The following GLRA1 variants were observed in gnomAD, a reference collection of about 807,000 sequenced individuals.
GLRA1 encodes the protein glycine receptor alpha 1, also known as glycine receptor subunit alpha-1.
GLRA1 carries 37 observed loss-of-function variants against 48.3 expected under a neutral mutation model. The observed-to-expected ratio is 0.77, with a 90% CI of 0.59 to 1.01. The LOEUF (loss-of-function observed/expected upper bound fraction) is 1.01. Among genes scored for constraint, GLRA1 ranks in the 50% least tolerant of loss-of-function variants. The pLI, the probability that GLRA1 is intolerant of heterozygous loss-of-function variation, is 0.00. For missense variants in GLRA1, 427 were observed against 571.0 expected (o/e 0.75, Z 2.57); for synonymous variants, 196 against 210.7 (o/e 0.93, Z 0.60).
At chr5:151,828,351 G>A (rs545624004) in intron 8 of GLRA1, among the ~76,000 whole-genome samples, 4 of 152,294 alleles carry the variant, frequency 2.6e-5, no homozygotes, top group African/African-American at 7.2e-5. Context: ...TTTGGTCAGT[G>A]CACAACCTCG....
intron 1 of GLRA1, among the ~76,000 whole-genome samples, chr5:151,894,482 C>T (rs376893260): frequency 4.6e-5 from 7 of 152,074 alleles, no homozygotes; most frequent in African/African-American, 1.4e-4. Context: ...CCCCAGATGA[C>T]GTCAATATAC....
At chr5:151,823,051 A>G in intron 8 of GLRA1, 88 bp from the exon 9 acceptor site, 2 of 1,191,946 alleles carry the variant, frequency 1.7e-6, no homozygotes, top group Middle Eastern at 2.2e-4. Context: ...GGGCCAGGCC[A>G]TGCCTATCTG....
rs116332004 is a variant in GLRA1, at chr5:151,827,724, C to G, written c.1059+1197G>C. Among the ~76,000 whole-genome samples, 872 of 152,240 alleles carry G rather than the reference C, an allele frequency of 5.7e-3. 12 individuals carry two copies. The highest frequency in any genetic ancestry group is 0.02 in the African/African-American group (843 of 41,532). ...AGACAACGATTTTAAATAGGTCAGT[C>G]TAAAGCTTGTAGGACCTGGCATATT... is the stretch of plus-strand genomic sequence containing the variant. On this transcript the variant is annotated intron_variant, in intron 8 of 8. Transcript: ENST00000274576.
chr5:151,915,329 T>C (rs1427098832), intron 1 of GLRA1, among the ~76,000 whole-genome samples: 1 of 152,220 alleles, frequency 6.6e-6, no homozygotes, highest in African/African-American at 2.4e-5. Flanking sequence ...TTTGCAGTTA[T>C]CTATCAACAT....
intron 3 of GLRA1, 121 bp downstream of exon 3, chr5:151,886,600 G>A (rs1044222282): frequency 2.1e-5 from 16 of 763,974 alleles, no homozygotes; most frequent in African/African-American, 2.0e-4. Context: ...TATACCACTG[G>A]AGACTTGAGA....
At chr5:151,875,991 A>G (rs976149835) in intron 3 of GLRA1, among the ~76,000 whole-genome samples, 1 of 152,262 alleles carries the variant, frequency 6.6e-6, no homozygotes, top group Non-Finnish European at 1.5e-5. Context: ...AATTCCCATA[A>G]TTCACTAACC....
chr5:151,862,278 AT>A (rs1445642012), intron 3 of GLRA1, among the ~76,000 whole-genome samples: 8 of 152,238 alleles, frequency 5.3e-5, no homozygotes, highest in African/African-American at 1.7e-4. Flanking sequence ...ACAAAAATTA[AT>A]TCAAGATGGA....
intron 1 of GLRA1, among the ~76,000 whole-genome samples, chr5:151,894,212 C>T (rs1754174565): frequency 6.6e-6 from 1 of 152,032 alleles, no homozygotes; most frequent in African/African-American, 2.4e-5. Flanking sequence ...ATAATGTTCC[C>T]CAAGGATTTG....
At chr5:151,849,883 G>A (rs1752854366) in intron 7 of GLRA1, 4 of 1,483,266 alleles carry the variant, frequency 2.7e-6, no homozygotes, top group Non-Finnish European at 3.6e-6. Context: ...GTATTTTACA[G>A]TCTGAAGGCT....
At chr5:151,904,994 T>C (rs1754444292) in intron 1 of GLRA1, among the ~76,000 whole-genome samples, 1 of 152,188 alleles carries the variant, frequency 6.6e-6, no homozygotes, top group South Asian at 2.1e-4. Context: ...ATCTGTTATG[T>C]AGTAAATTAA....
At chr5:151,895,491 G>T (rs1754206750) in intron 1 of GLRA1, among the ~76,000 whole-genome samples, 1 of 152,144 alleles carries the variant, frequency 6.6e-6, no homozygotes, top group Non-Finnish European at 1.5e-5. Context: ...ACTTGTCTGA[G>T]CTTTAGTTTT....
chr5:151,883,902 A>C (rs575109500), intron 3 of GLRA1, among the ~76,000 whole-genome samples: 1 of 152,336 alleles, frequency 6.6e-6, no homozygotes, highest in Admixed American at 6.5e-5. Context: ...GCAGAAGTGA[A>C]GTCTGGAAAG....
chr5:151,843,953 T>G (rs1224775350), intron 7 of GLRA1, among the ~76,000 whole-genome samples: 2 of 152,144 alleles, frequency 1.3e-5, no homozygotes, highest in Non-Finnish European at 2.9e-5. Flanking sequence ...GCAGATCACC[T>G]GGGGTCAGGA....
chr5:151,825,604 G>A (rs1038708713), intron 8 of GLRA1, among the ~76,000 whole-genome samples: 2 of 152,192 alleles, frequency 1.3e-5, no homozygotes. Context: ...AGCTGGAGCA[G>A]GGGAAATCTG....
chr5:151,911,600 GTT>G (rs768033241), intron 1 of GLRA1, among the ~76,000 whole-genome samples: 1,360 of 92,158 alleles, frequency 0.015, 1 homozygote, highest in African/African-American at 0.026. Context: ...CCAAGCTAGA[GTT>G]TTTTTTTTTT....
chr5:151,886,169 A>G (rs1403732736), intron 3 of GLRA1, among the ~76,000 whole-genome samples: 1 of 152,230 alleles, frequency 6.6e-6, no homozygotes, highest in Non-Finnish European at 1.5e-5. Context: ...AAAAATATAT[A>G]AATACTGTAG....
At position 151,822,620 on chromosome 5, in the gene GLRA1, C is replaced by T; in HGVS notation, c.*53G>A. Reference sequence around the variant, plus strand: ...TTCTCTTCCTTAGTCTCTCAGATTCCTGTGCTATTCCCACGTTCCCCTCTC... The same window carrying T: ...TTCTCTTCCTTAGTCTCTCAGATTCTTGTGCTATTCCCACGTTCCCCTCTC... On this transcript the variant is annotated 3_prime_UTR_variant, in exon 9 of 9. Coordinates refer to ENST00000274576, the MANE Select transcript of GLRA1 (RefSeq NM_000171.4). The T allele has an allele frequency of 8.1e-7, 1 of 1,238,484 alleles. No individual in the cohort carries two copies. Among genetic ancestry groups the T allele is most frequent in the South Asian group, 1.2e-5 (1 of 83,028 alleles). The allele number at this position is 1,238,484 out of a possible 1,614,324, so 76.7% of individuals were successfully genotyped here. A position where few individuals can be genotyped will look rare whatever the true frequency, so the allele number is the denominator to read the frequency against.
At chr5:151,921,612 A>G (rs993760793) in intron 1 of GLRA1, among the ~76,000 whole-genome samples, 4 of 152,176 alleles carry the variant, frequency 2.6e-5, no homozygotes, top group African/African-American at 9.7e-5. Flanking sequence ...ACTGGGCCTG[A>G]CCCAGCCATA....
chr5:151,863,446 G>C (rs1226580514), intron 3 of GLRA1, among the ~76,000 whole-genome samples: 7 of 152,010 alleles, frequency 4.6e-5, no homozygotes, highest in Non-Finnish European at 1.5e-5. Context: ...AAACAAAAAG[G>C]AAAGTTTTAA....
Sources: allele counts gnomAD v4.1 joint callset (sites outside exome capture counted in the v4.1 genomes callset), GRCh38; gene constraint gnomAD v4.1.1; transcripts MANE v1.5; gene names NCBI Gene and HGNC (gene_info 2026-07-23, HGNC 2026-07-21).